Variants in ASTN2 observed in about 807,000 individuals in gnomAD.
ASTN2 encodes the protein astrotactin-2.
Under a neutral mutation model 139.8 loss-of-function variants are expected in ASTN2, and 54 were observed. The observed-to-expected ratio is 0.39, with a 90% CI of 0.31 to 0.48. The LOEUF (loss-of-function observed/expected upper bound fraction) is 0.48. Among genes scored for constraint, ASTN2 ranks in the 20% least tolerant of loss-of-function variants. ASTN2 has a pLI of 0.95. For synonymous variants in ASTN2, 756 were observed against 719.5 expected (o/e 1.05, Z -0.81); for missense variants, 1,565 against 1,725.1 (o/e 0.91, Z 1.64).
chr9:117,403,385 C>T (rs770387251), intron 1 of ASTN2, among the ~76,000 whole-genome samples: 36 of 152,302 alleles, frequency 2.4e-4, no homozygotes, highest in Admixed American at 7.2e-4. Context: ...GGAGCTCTGT[C>T]CATTTGGAGG....
chr9:116,577,119 C>T (rs1473310987), intron 19 of ASTN2, among the ~76,000 whole-genome samples: 1 of 152,194 alleles, frequency 6.6e-6, no homozygotes, highest in Non-Finnish European at 1.5e-5. Flanking sequence ...ACTAATTCAT[C>T]CAAAGTCACG....
chr9:116,438,796 A>G (rs1847738856), intron 22 of ASTN2, among the ~76,000 whole-genome samples: 1 of 152,076 alleles, frequency 6.6e-6, no homozygotes, highest in Non-Finnish European at 1.5e-5. Context: ...AATATTTTTT[A>G]AAAATTAGCC....
chr9:117,295,918 T>C (rs1479722522), intron 1 of ASTN2, among the ~76,000 whole-genome samples: 6 of 151,798 alleles, frequency 4.0e-5, no homozygotes, highest in African/African-American at 1.5e-4. Flanking sequence ...GGCATAGAGA[T>C]CAGCTGGTCA....
chr9:116,699,401 C>G lies in ASTN2; in HGVS notation c.2806+26370G>C, dbSNP rs150318692. 1.2e-6 allele frequency: 2 copies of G among 1,614,168 alleles called. No homozygotes were observed. Among genetic ancestry groups the G allele is most frequent in the African/African-American group, 1.3e-5 (1 of 75,048 alleles). ...ACCTGGAGGGTGGCTTTTCCATTGG[C>G]TCTGTAGGCCCTGATGGGCAGCTGG... On this transcript the variant is annotated intron_variant, in intron 16 of 22. Transcript: ENST00000313400. This position sits in a 1 kb window ranked among gnomAD's most constrained non-coding sequence, Gnocchi z 4.2.
intron 1 of ASTN2, among the ~76,000 whole-genome samples, chr9:117,332,036 T>C (rs962477752): frequency 1.3e-4 from 20 of 152,164 alleles, no homozygotes; most frequent in African/African-American, 4.6e-4. Context: ...AACTAGAAAA[T>C]GTAGGGCCCA....
chr9:116,560,136 G>T (rs2086706473), intron 19 of ASTN2, among the ~76,000 whole-genome samples: 1 of 152,188 alleles, frequency 6.6e-6, no homozygotes, highest in Admixed American at 6.5e-5. Context: ...AATGTTAATT[G>T]TGTAGTTAAC....
chr9:116,512,087 AT>A (rs1289805653), intron 19 of ASTN2, among the ~76,000 whole-genome samples: 1 of 151,854 alleles, frequency 6.6e-6, no homozygotes, highest in Non-Finnish European at 1.5e-5. Context: ...TTCTTTAATT[AT>A]GATGTTAGGG....
intron 10 of ASTN2, among the ~76,000 whole-genome samples, chr9:116,878,100 A>C (rs1833351865): frequency 6.6e-6 from 1 of 152,222 alleles, no homozygotes; most frequent in Non-Finnish European, 1.5e-5. Context: ...ACACTTTTAC[A>C]CTGTTGGAGG....
At chr9:116,775,181 C>T (rs1035150619) in intron 13 of ASTN2, among the ~76,000 whole-genome samples, 1 of 152,000 alleles carries the variant, frequency 6.6e-6, no homozygotes, top group Middle Eastern at 3.4e-3. Context: ...CTCCAGGCCC[C>T]CAGGATGGCG....
intron 13 of ASTN2, among the ~76,000 whole-genome samples, chr9:116,793,113 T>A (rs532991588): frequency 1.6e-4 from 24 of 151,380 alleles, no homozygotes; most frequent in African/African-American, 4.9e-4. Context: ...GAAAAAAAAA[T>A]TTAAAAAGAG....
At chr9:117,271,379 G>A (rs538940695) in intron 2 of ASTN2, among the ~76,000 whole-genome samples, 8 of 152,186 alleles carry the variant, frequency 5.3e-5, no homozygotes, top group Non-Finnish European at 1.0e-4. Context: ...CAACATGTGG[G>A]AATTCTGGGA....
intron 10 of ASTN2, among the ~76,000 whole-genome samples, chr9:116,947,919 T>C (rs114284853): frequency 0.018 from 2,787 of 152,336 alleles, 91 homozygotes; most frequent in African/African-American, 0.064. Context: ...GTTGTTTTAA[T>C]AGGTAATGTC....
At chr9:117,197,479 C>T (rs571109219) in intron 3 of ASTN2, 3 of 152,294 alleles carry the variant, frequency 2.0e-5, no homozygotes, top group Non-Finnish European at 2.9e-5. Flanking sequence ...TGAAAAGATA[C>T]TTTCTATATA....
chr9:116,867,334 T>G (rs1833039886), intron 10 of ASTN2, among the ~76,000 whole-genome samples: 1 of 150,266 alleles, frequency 6.7e-6, no homozygotes, highest in African/African-American at 2.4e-5. Flanking sequence ...AAAGACAGAA[T>G]GAAAGGGAAG....
intron 22 of ASTN2, among the ~76,000 whole-genome samples, chr9:116,435,576 C>T (rs1219979553): frequency 1.3e-5 from 2 of 152,144 alleles, no homozygotes; most frequent in Admixed American, 1.3e-4. Context: ...ATATTTTTAA[C>T]TGAAGTATAT....
chr9:116,836,430 C>T (rs1205579775), intron 11 of ASTN2, among the ~76,000 whole-genome samples: 2 of 152,146 alleles, frequency 1.3e-5, no homozygotes, highest in Admixed American at 6.5e-5. Context: ...GCCATTCAAC[C>T]GTTGCTCCCA....
chr9:116,465,517 A>AG (rs1471282032), intron 20 of ASTN2, among the ~76,000 whole-genome samples: 2 of 152,240 alleles, frequency 1.3e-5, no homozygotes, highest in African/African-American at 4.8e-5. Flanking sequence ...TTGACATAAA[A>AG]GGGGGGAAGA....
intron 2 of ASTN2, among the ~76,000 whole-genome samples, chr9:117,265,622 T>C (rs1194457109): frequency 1.3e-5 from 2 of 152,138 alleles, no homozygotes; most frequent in Non-Finnish European, 2.9e-5. Flanking sequence ...CCGGCCTAAA[T>C]CTGCCAACCA....
chr9:117,145,749 T>A (rs1025842141), intron 3 of ASTN2, among the ~76,000 whole-genome samples: 4 of 152,194 alleles, frequency 2.6e-5, no homozygotes, highest in African/African-American at 9.6e-5. Context: ...GAATTCTTTT[T>A]AAAAAAATCC....
Sources: gnomAD v4.1 joint callset for allele counts (sites outside exome capture counted in the v4.1 genomes callset) on GRCh38, gnomAD v4.1.1 for gene constraint, Gnocchi (gnomAD v3.1) non-coding constraint, MANE v1.5 for transcripts, NCBI Gene and HGNC (gene_info 2026-07-23, HGNC 2026-07-21) for gene names.